Variants in MOCOS observed in about 807,000 individuals in gnomAD.
MOCOS encodes the protein human molybdenum cofactor sulfurase.
Under a neutral mutation model 83.6 loss-of-function variants are expected in MOCOS, and 86 were observed. The observed-to-expected ratio is 1.03, with a 90% CI of 0.86 to 1.23. MOCOS has a LOEUF of 1.23. MOCOS is among the 50% of genes most tolerant of loss of function. The pLI is 0.00. For synonymous variants in MOCOS, 445 were observed against 434.7 expected (o/e 1.02, Z -0.29); for missense variants, 1,120 against 1,126.9 (o/e 0.99, Z 0.09).
chr18:36,254,458 CTG>C (rs60813321), intron 11 of MOCOS, among the ~76,000 whole-genome samples: 13,032 of 138,798 alleles, frequency 0.094, 622 homozygotes, highest in South Asian at 0.15. Flanking sequence ...TACATTATCT[CTG>C]TGTGTGTGTG....
intron 9 of MOCOS, among the ~76,000 whole-genome samples, chr18:36,248,686 A>G (rs1260098052): frequency 2.6e-5 from 4 of 152,152 alleles, no homozygotes; most frequent in Non-Finnish European, 5.9e-5. Flanking sequence ...AGCATCATTT[A>G]TTGAAGAGAA....
chr18:36,200,651 C>T (rs1162503506), intron 4 of MOCOS, among the ~76,000 whole-genome samples: 1 of 152,202 alleles, frequency 6.6e-6, no homozygotes, highest in Non-Finnish European at 1.5e-5. Context: ...CTGCCCTCAG[C>T]ACTGACAAGA....
intron 9 of MOCOS, among the ~76,000 whole-genome samples, chr18:36,226,366 T>TG (rs1355036383): frequency 6.6e-6 from 1 of 152,166 alleles, no homozygotes; most frequent in Non-Finnish European, 1.5e-5. Flanking sequence ...ACCATTTGCA[T>TG]GGAATATCTT....
chr18:36,200,608 C>A (rs563574714), intron 4 of MOCOS, among the ~76,000 whole-genome samples: 3 of 152,144 alleles, frequency 2.0e-5, no homozygotes, highest in African/African-American at 7.2e-5. Flanking sequence ...ATAAAAGGCC[C>A]TCATGGGGTA....
Position 36,271,537 on chromosome 18 carries a change from G to A in MOCOS, c.*2852G>A, listed in dbSNP as rs922383706. 2.6e-5 allele frequency: 4 copies of A among 152,052 alleles called. No individual in the cohort carries two copies. The highest frequency in any genetic ancestry group is 9.7e-5 in the African/African-American group (4 of 41,384). 9.4% of individuals were successfully genotyped at this position (152,052 alleles called of 1,614,324 possible). A position where few individuals can be genotyped will look rare whatever the true frequency, so the allele number is the denominator to read the frequency against. ...CCCTCCTTGGTTCTTATCTCCTGGA[G>A]TTCAGCCTTATGTGCTTCTCAAAGT... is the stretch of plus-strand genomic sequence containing the variant. On this transcript the variant is annotated 3_prime_UTR_variant, in exon 15 of 15. Transcript: ENST00000261326.
At chr18:36,196,765 G>A (rs1354738224) in intron 2 of MOCOS, among the ~76,000 whole-genome samples, 1 of 151,882 alleles carries the variant, frequency 6.6e-6, no homozygotes, top group Non-Finnish European at 1.5e-5. Context: ...CAGCGCTAAA[G>A]CCAAGCAGAG....
Position 36,270,086 on chromosome 18 carries a change from A to G in MOCOS, c.*1401A>G, listed in dbSNP as rs188375661. The G allele has an allele frequency of 6.6e-6, 1 of 152,366 alleles. No homozygotes were observed. Among genetic ancestry groups the G allele is most frequent in the Admixed American group, 6.5e-5 (1 of 15,306 alleles). 9.4% of individuals were successfully genotyped at this position (152,366 alleles called of 1,614,324 possible). ...GTGCTGTGAAGAGTTAAGGGTAAAA[A>G]GTACAACTCTGACTCTGGTTCCTGA... On this transcript the variant is annotated 3_prime_UTR_variant, in exon 15 of 15. Transcript: ENST00000261326.
rs898967143 is a variant in MOCOS, at chr18:36,215,842, C to T, written c.1662C>T (p.Ala554=). The change falls in exon 8 of 15, where the codon GCC becomes GCT. Residue 554 remains alanine, a synonymous_variant. Transcript: ENST00000261326. ...CTACTGTGAATGCTGTGCCTGTGGC[C>T]CCACCTGTGTGTGATGTCGCCAGAA... ...NSSTVNAVPV[A]PPVCDVARTQ... 1.9e-6 allele frequency: 3 copies of T among 1,614,190 alleles called. No homozygotes were observed. The highest frequency in any genetic ancestry group is 1.7e-4 in the Middle Eastern group (1 of 6,060).
intron 9 of MOCOS, among the ~76,000 whole-genome samples, chr18:36,230,013 T>C (rs1375755907): frequency 1.3e-5 from 2 of 152,136 alleles, no homozygotes; most frequent in African/African-American, 2.4e-5. Flanking sequence ...ATTTATCTTG[T>C]TCTTTTGTTT....
intron 9 of MOCOS, among the ~76,000 whole-genome samples, chr18:36,226,121 T>A (rs183279768): frequency 6.6e-6 from 1 of 152,274 alleles, no homozygotes; most frequent in East Asian, 1.9e-4. Context: ...GTTCTGTCCA[T>A]TATTGAATTT....
chr18:36,212,850 T>C (rs1027094129), intron 6 of MOCOS, among the ~76,000 whole-genome samples: 11 of 152,296 alleles, frequency 7.2e-5, no homozygotes, highest in Admixed American at 4.6e-4. Flanking sequence ...GGGTGAGGAC[T>C]CTTACTGGGC....
intron 6 of MOCOS, among the ~76,000 whole-genome samples, chr18:36,206,191 A>G (rs577776196): frequency 3.3e-5 from 5 of 151,026 alleles, no homozygotes; most frequent in Admixed American, 2.6e-4. Context: ...GAAGCAAGAG[A>G]GAGGGTGAGG....
rs182781411 is a variant in MOCOS at position 36,215,646 on chromosome 18, G to A, written c.1466G>A (p.Arg489His). Residue 489 changes from arginine (R) to histidine (H), a missense_variant, in exon 8 of 15, where the codon CGC (arginine) becomes CAC (histidine). Transcript: ENST00000261326. ...TTTCTTAGGTTCATCATAGACACTC[G>A]CCTGCACTCATCAGGGGACTGGCCT... ...QAFLRFIIDT[R>H]LHSSGDWPVP... is the part of the protein sequence containing the mutation. 25 of 1,614,112 alleles carry A rather than the reference G, an allele frequency of 1.5e-5. 1 individual carries two copies. Among genetic ancestry groups the A allele is most frequent in the East Asian group, 6.7e-5 (3 of 44,874 alleles).
chr18:36,245,777 T>G (rs4799858), intron 9 of MOCOS, among the ~76,000 whole-genome samples: 16,918 of 152,238 alleles, frequency 0.11, 1,033 homozygotes, highest in Non-Finnish European at 0.13. Flanking sequence ...TTATGTTTGG[T>G]CATTTAAAAT....
rs667195 is a variant in MOCOS at position 36,205,341 on chromosome 18, T to A, written c.1218+65T>A. The A allele has an allele frequency of 4.0e-6, 6 of 1,508,566 alleles. No homozygotes were observed. In the African/African-American group the frequency reaches 8.3e-5, roughly 21 times the overall value. The allele number at this position is 1,508,566 out of a possible 1,614,324, so 93.4% of individuals were successfully genotyped here. A position where few individuals can be genotyped will look rare whatever the true frequency, so the allele number is the denominator to read the frequency against. On this transcript the variant is annotated intron_variant, in intron 6 of 14. Transcript: ENST00000261326. ...ATCCTAGTTCCAGACGAGAGCAATG[T>A]AGTGTGACAAAGTCCATGCACTGTT...
At chr18:36,245,553 T>C (rs2091599332) in intron 9 of MOCOS, among the ~76,000 whole-genome samples, 1 of 152,228 alleles carries the variant, frequency 6.6e-6, no homozygotes, top group Non-Finnish European at 1.5e-5. Flanking sequence ...CACAGCTCTT[T>C]AGATTCTTTC....
rs1240065870 is a variant in MOCOS at position 36,266,637 on chromosome 18, T to A, written c.2410-112T>A. ...GCAGAGACGGTGAACAGGTGCCACG[T>A]TCTGGCTCTCCATAGTTAGGGGACT... is the stretch of plus-strand genomic sequence containing the variant. On this transcript the variant is annotated intron_variant, in intron 13 of 14. Transcript: ENST00000261326. 9.1e-6 allele frequency: 8 copies of A among 881,810 alleles called. No homozygotes were observed. In the East Asian group the frequency reaches 1.8e-4, roughly 20 times the overall value. The allele number at this position is 881,810 out of a possible 1,614,324, so 54.6% of individuals were successfully genotyped here. A position where few individuals can be genotyped will look rare whatever the true frequency, so the allele number is the denominator to read the frequency against.
intron 6 of MOCOS, among the ~76,000 whole-genome samples, chr18:36,205,649 A>T (rs2091432075): frequency 6.6e-6 from 1 of 152,114 alleles, no homozygotes; most frequent in African/African-American, 2.4e-5. Flanking sequence ...ACCAAATGTT[A>T]CTCCCAGAGC....
chr18:36,239,667 T>C (rs1489210259), intron 9 of MOCOS, among the ~76,000 whole-genome samples: 1 of 147,364 alleles, frequency 6.8e-6, no homozygotes, highest in East Asian at 2.0e-4. Context: ...ATTTCCTGAA[T>C]CTGAATGTTG....
Sources: gnomAD v4.1 joint callset for allele counts (sites outside exome capture counted in the v4.1 genomes callset) on GRCh38, gnomAD v4.1.1 for gene constraint, MANE v1.5 for transcripts, NCBI Gene and HGNC (gene_info 2026-07-23, HGNC 2026-07-21) for gene names.